Variants in BMP6 observed in about 807,000 individuals in gnomAD.
BMP6 encodes the protein VG-1-R.
Under a neutral mutation model 54.1 loss-of-function variants are expected in BMP6, and 17 were observed. That is an observed-to-expected ratio of 0.31 (90% confidence interval 0.22 to 0.47). BMP6 has a LOEUF of 0.47. Among genes scored for constraint, BMP6 ranks in the 20% least tolerant of loss-of-function variants. The pLI is 1.00. For synonymous variants in BMP6, 328 were observed against 291.2 expected (o/e 1.13, Z -1.28); for missense variants, 720 against 690.4 (o/e 1.04, Z -0.48).
At chr6:7,840,917 G>A (rs917585332) in intron 1 of BMP6, among the ~76,000 whole-genome samples, 5 of 152,086 alleles carry the variant, frequency 3.3e-5, no homozygotes, top group Admixed American at 2.6e-4. Context: ...TGCCTCACTC[G>A]AATTGAAAAA....
At chr6:7,813,389 AG>A (rs2113214067) in intron 1 of BMP6, among the ~76,000 whole-genome samples, 1 of 139,844 alleles carries the variant, frequency 7.2e-6, no homozygotes, top group East Asian at 2.1e-4. Context: ...TTGGAGGCCA[AG>A]GCAAGAGGTT....
chr6:7,813,108 A>AAAAAAAAATATATATATATAT (rs1554122651), intron 1 of BMP6, among the ~76,000 whole-genome samples: 1 of 21,484 alleles, frequency 4.7e-5, no homozygotes, highest in African/African-American at 2.0e-4. Context: ...AAAAAAAAAA[A>AAAAAAAAATATATATATATAT]ATATATATAT....
At chr6:7,877,641 T>A (rs1175014541) in intron 4 of BMP6, among the ~76,000 whole-genome samples, 3 of 151,254 alleles carry the variant, frequency 2.0e-5, no homozygotes, top group South Asian at 2.1e-4. Flanking sequence ...AAAAAAAAAA[T>A]TAATGAAATC....
At chr6:7,770,242 T>G (rs1422516833) in intron 1 of BMP6, among the ~76,000 whole-genome samples, 1 of 152,250 alleles carries the variant, frequency 6.6e-6, no homozygotes, top group African/African-American at 2.4e-5. Context: ...ATCCTGTTTT[T>G]AAGCGGTTGA....
chr6:7,831,646 G>A (rs1422726375), intron 1 of BMP6, among the ~76,000 whole-genome samples: 1 of 152,122 alleles, frequency 6.6e-6, no homozygotes, highest in East Asian at 1.9e-4. Context: ...AAAATTTAAC[G>A]TGCTTGAAGT....
intron 1 of BMP6, among the ~76,000 whole-genome samples, chr6:7,770,688 T>C (rs1046074712): frequency 3.9e-5 from 6 of 152,244 alleles, no homozygotes; most frequent in Non-Finnish European, 8.8e-5. Context: ...GGGGTGCTCG[T>C]AAGGATTCCT....
intron 1 of BMP6, among the ~76,000 whole-genome samples, chr6:7,787,691 G>A (rs888682326): frequency 2.0e-5 from 3 of 152,188 alleles, no homozygotes; most frequent in African/African-American, 2.4e-5. Flanking sequence ...TAGCATATTT[G>A]CGTGTTAGGT....
intron 1 of BMP6, among the ~76,000 whole-genome samples, chr6:7,745,752 A>G (rs1410615054): frequency 6.6e-6 from 1 of 151,604 alleles, no homozygotes; most frequent in Non-Finnish European, 1.5e-5. Flanking sequence ...TGAGGGAAGG[A>G]GGAGATGCAC....
intron 1 of BMP6, among the ~76,000 whole-genome samples, chr6:7,777,347 A>G (rs1312624420): frequency 1.3e-5 from 2 of 152,252 alleles, no homozygotes. Flanking sequence ...CTTCAAGGCA[A>G]GGGAGAGGGG....
intron 1 of BMP6, among the ~76,000 whole-genome samples, chr6:7,782,615 A>G (rs1757963619): frequency 6.6e-6 from 1 of 152,094 alleles, no homozygotes; most frequent in African/African-American, 2.4e-5. Flanking sequence ...GGGGCAGGAG[A>G]ATTGCTTGAA....
rs1271425856 is a variant in BMP6 at position 7,880,225 on chromosome 6, A to C, written c.1424A>C (p.Lys475Thr). Reference sequence around the variant, plus strand: ...CTTATGAACCCCGAGTATGTCCCCAAACCGTGCTGTGCGCCAACTAAGCTA... The same window carrying C: ...CTTATGAACCCCGAGTATGTCCCCACACCGTGCTGTGCGCCAACTAAGCTA... ...VHLMNPEYVP[K>T]PCCAPTKLNA... Residue 475 changes from lysine to threonine, a missense_variant, in exon 7 of 7, where the codon AAA becomes ACA. Around this residue, in one of 3 missense-constraint regions of BMP6, gnomAD observed 43 missense variants for 54.0 expected, o/e 0.80. Coordinates refer to ENST00000283147, the MANE Select transcript of BMP6 (RefSeq NM_001718.6). The C allele has an allele frequency of 5.6e-6, 9 of 1,613,980 alleles. No individual in the cohort carries two copies. In the African/African-American group the frequency reaches 8.0e-5, roughly 14 times the overall value.
chr6:7,880,805 G>A lies in BMP6; in HGVS notation c.*462G>A, dbSNP rs2113301051. The A allele has an allele frequency of 5.3e-6, 1 of 187,376 alleles. No homozygotes were observed. The highest frequency in any genetic ancestry group is 1.1e-5 in the Non-Finnish European group (1 of 88,158). 11.6% of individuals were successfully genotyped at this position (187,376 alleles called of 1,614,324 possible). ...AGAGAACAGAAATCGGGGAAGTGGG[G>A]GGAACGCCTCTGTTCAGTTCATTCC... On this transcript the variant is annotated 3_prime_UTR_variant, in exon 7 of 7. Transcript: ENST00000283147.
intron 2 of BMP6, among the ~76,000 whole-genome samples, chr6:7,847,574 C>T (rs1243564898): frequency 6.6e-6 from 1 of 152,178 alleles, no homozygotes; most frequent in Non-Finnish European, 1.5e-5. Context: ...GATGGATTAA[C>T]TCCATTTAAC....
chr6:7,808,471 T>C (rs2113207414), intron 1 of BMP6, among the ~76,000 whole-genome samples: 1 of 152,324 alleles, frequency 6.6e-6, no homozygotes, highest in African/African-American at 2.4e-5. Flanking sequence ...GCACATAACT[T>C]CTTAAGACTG....
intron 1 of BMP6, among the ~76,000 whole-genome samples, chr6:7,753,753 G>A (rs764098972): frequency 2.6e-5 from 4 of 152,146 alleles, no homozygotes; most frequent in Non-Finnish European, 4.4e-5. Context: ...AAAGGATATA[G>A]GTTTTCGTCT....
chr6:7,839,721 TG>T (rs1318834654), intron 1 of BMP6, among the ~76,000 whole-genome samples: 3 of 152,264 alleles, frequency 2.0e-5, no homozygotes, highest in African/African-American at 7.2e-5. Context: ...AGTGGACATG[TG>T]GGTTGCTTCC....
intron 4 of BMP6, among the ~76,000 whole-genome samples, chr6:7,875,875 C>T (rs1759607619): frequency 6.6e-6 from 1 of 152,204 alleles, no homozygotes; most frequent in South Asian, 2.1e-4. Flanking sequence ...GAACAATGTG[C>T]TTTGGATCCC....
chr6:7,843,720 T>G (rs774824404), intron 1 of BMP6, among the ~76,000 whole-genome samples: 5 of 152,190 alleles, frequency 3.3e-5, no homozygotes, highest in Non-Finnish European at 5.9e-5. Context: ...AGAGCACTCC[T>G]TTTTTCCTTT....
chr6:7,731,419 C>A (rs1253429348), intron 1 of BMP6, among the ~76,000 whole-genome samples: 1 of 152,206 alleles, frequency 6.6e-6, no homozygotes. Flanking sequence ...TGACAGCACT[C>A]TGCTTATTTC....
Sources: allele counts gnomAD v4.1 joint callset (sites outside exome capture counted in the v4.1 genomes callset), GRCh38; gene constraint gnomAD v4.1.1; regional missense constraint gnomAD v4.1.1; transcripts MANE v1.5; gene names NCBI Gene and HGNC (gene_info 2026-07-23, HGNC 2026-07-21).